The following ERP44 variants were observed in gnomAD, a reference collection of about 807,000 sequenced individuals.
ERP44 encodes the protein endoplasmic reticulum protein 44, also known as endoplasmic reticulum resident protein 44.
A neutral mutation model predicts 53.4 loss-of-function variants in ERP44; 25 were observed. The observed-to-expected ratio is 0.47, with a 90% CI of 0.34 to 0.65. The LOEUF (loss-of-function observed/expected upper bound fraction) is 0.65. ERP44 is among the 30% of genes least tolerant of loss of function. The pLI is 0.01. For synonymous variants in ERP44, 145 were observed against 161.2 expected, an observed-to-expected ratio of 0.90 and a Z score of 0.76; for missense variants, 338 against 493.2, an observed-to-expected ratio of 0.69 and a Z score of 2.98.
chr9:100,034,933 C>T (rs1259946885), intron 4 of ERP44, among the ~76,000 whole-genome samples: 2 of 152,078 alleles, frequency 1.3e-5, no homozygotes, highest in African/African-American at 4.8e-5. Context: ...CACTTACAAC[C>T]ACCTGATCTT....
At chr9:100,087,208 A>G (rs1326523631) in intron 1 of ERP44, among the ~76,000 whole-genome samples, 1 of 152,060 alleles carries the variant, frequency 6.6e-6, no homozygotes, top group African/African-American at 2.4e-5. Context: ...TCAAAATAAT[A>G]TAACAAATTT....
At chr9:100,039,205 A>G (rs1587971215) in intron 4 of ERP44, among the ~76,000 whole-genome samples, 1 of 152,222 alleles carries the variant, frequency 6.6e-6, no homozygotes, top group African/African-American at 2.4e-5. Flanking sequence ...ATATTTACAG[A>G]ACATTTCATC....
intron 4 of ERP44, among the ~76,000 whole-genome samples, chr9:100,048,474 A>G (rs1470651257): frequency 6.6e-6 from 1 of 152,172 alleles, no homozygotes; most frequent in Non-Finnish European, 1.5e-5. Flanking sequence ...TCTTCAAAAA[A>G]TTAAAAACTA....
chr9:100,081,259 G>C (rs533459907), intron 1 of ERP44, among the ~76,000 whole-genome samples: 2 of 152,124 alleles, frequency 1.3e-5, no homozygotes, highest in South Asian at 4.2e-4. Flanking sequence ...GCAAATAATG[G>C]AAAAGCTGGG....
intron 10 of ERP44, among the ~76,000 whole-genome samples, chr9:100,003,240 A>C (rs1268719251): frequency 2.6e-5 from 4 of 152,142 alleles, no homozygotes; most frequent in Non-Finnish European, 2.9e-5. Flanking sequence ...AAGTTCATGG[A>C]TGTTACTTTT....
intron 4 of ERP44, among the ~76,000 whole-genome samples, chr9:100,051,149 T>C (rs573054410): frequency 3.9e-5 from 6 of 152,210 alleles, no homozygotes; most frequent in African/African-American, 1.4e-4. Context: ...CAGACAGAAA[T>C]ATGGGGTGGG....
chr9:100,090,370 T>C (rs1212246231), intron 1 of ERP44, among the ~76,000 whole-genome samples: 1 of 152,166 alleles, frequency 6.6e-6, no homozygotes, highest in African/African-American at 2.4e-5. Context: ...TTGCAGCTGT[T>C]CTATAAGCAA....
At chr9:99,985,777 T>C (rs1298341338) in intron 10 of ERP44, among the ~76,000 whole-genome samples, 1 of 152,226 alleles carries the variant, frequency 6.6e-6, no homozygotes, top group Non-Finnish European at 1.5e-5. Flanking sequence ...CTTCATTGGA[T>C]AGCTTAATAT....
chr9:99,987,799 T>C (rs1331403950), intron 10 of ERP44, among the ~76,000 whole-genome samples: 1 of 152,196 alleles, frequency 6.6e-6, no homozygotes, highest in Non-Finnish European at 1.5e-5. Flanking sequence ...TTATTGCATT[T>C]GGGATTCAGC....
chr9:100,029,890 C>G (rs1053396894), intron 4 of ERP44, among the ~76,000 whole-genome samples: 3 of 152,124 alleles, frequency 2.0e-5, no homozygotes, highest in Non-Finnish European at 2.9e-5. Context: ...GAGATTGAGA[C>G]CATCCTGGCC....
chr9:99,985,236 T>G lies in ERP44; in HGVS notation c.1017-167A>C, dbSNP rs374102753. Among the ~76,000 whole-genome samples the G allele has an allele frequency of 7.9e-5, 12 of 152,358 alleles. No homozygotes were observed. In the East Asian group the frequency reaches 1.9e-3, roughly 24 times the overall value. On this transcript the variant is annotated intron_variant, in intron 10 of 11. Coordinates refer to ENST00000262455, the MANE Select transcript of ERP44 (RefSeq NM_015051.3). ...CATTTTTACACAGTTGTAAGCATAG[T>G]ATCCAGATACTCAGTTTTGTATTCT...
chr9:100,031,994 GT>G (rs1484098823), intron 4 of ERP44, among the ~76,000 whole-genome samples: 4 of 152,176 alleles, frequency 2.6e-5, no homozygotes, highest in African/African-American at 9.7e-5. Flanking sequence ...GGCAGTTATA[GT>G]TTAATACTTG....
chr9:100,077,203 G>A (rs748836036), intron 1 of ERP44, among the ~76,000 whole-genome samples: 19 of 152,180 alleles, frequency 1.2e-4, no homozygotes, highest in East Asian at 1.9e-4. Context: ...CCGTGGACTC[G>A]AGGCATGCCT....
intron 4 of ERP44, among the ~76,000 whole-genome samples, chr9:100,022,781 T>G (rs1043212542): frequency 6.6e-6 from 1 of 152,158 alleles, no homozygotes; most frequent in African/African-American, 2.4e-5. Flanking sequence ...CTCTCTAGCA[T>G]AGGCAATCAA....
chr9:100,095,656 G>C (rs1198588886), intron 1 of ERP44, among the ~76,000 whole-genome samples: 1 of 152,002 alleles, frequency 6.6e-6, no homozygotes, highest in Non-Finnish European at 1.5e-5. Context: ...TAACTGACCT[G>C]GTATTGGGCC....
At chr9:100,072,116 C>G (rs942236014) in intron 1 of ERP44, among the ~76,000 whole-genome samples, 5 of 152,138 alleles carry the variant, frequency 3.3e-5, no homozygotes, top group African/African-American at 1.2e-4. Flanking sequence ...CTTTGTAAAG[C>G]AAACAGATTT....
chr9:100,060,338 A>C (rs1826131918), intron 1 of ERP44, among the ~76,000 whole-genome samples, 166 bp from the exon 2 acceptor site: 1 of 152,218 alleles, frequency 6.6e-6, no homozygotes, highest in Non-Finnish European at 1.5e-5. Flanking sequence ...GATAAATGAA[A>C]TAGGAGAAAT....
chr9:100,033,589 A>G (rs1190321098), intron 4 of ERP44, among the ~76,000 whole-genome samples: 3 of 152,236 alleles, frequency 2.0e-5, no homozygotes, highest in Non-Finnish European at 4.4e-5. Flanking sequence ...ACAAATAACT[A>G]GGCCAAGTAT....
intron 1 of ERP44, 99 bp from the exon 2 acceptor site, chr9:100,060,271 T>C (rs1826130931): frequency 1.6e-5 from 19 of 1,186,224 alleles, no homozygotes; most frequent in Non-Finnish European, 2.1e-5. Context: ...ACTTGTTCCT[T>C]AGAAAATTAT....
Sources: allele counts gnomAD v4.1 joint callset (sites outside exome capture counted in the v4.1 genomes callset), GRCh38; gene constraint gnomAD v4.1.1; transcripts MANE v1.5; gene names NCBI Gene and HGNC (gene_info 2026-07-23, HGNC 2026-07-21).